EXOC4: variants seen among roughly 807,000 people sequenced by gnomAD.
EXOC4 encodes SEC8-like 1.
EXOC4 carries 71 observed loss-of-function variants against 107.2 expected under a neutral mutation model. The ratio of observed to expected loss-of-function variants is 0.66; its 90% CI spans 0.55 to 0.81. EXOC4 has a LOEUF of 0.81. Among genes scored for constraint, EXOC4 ranks in the 30% least tolerant of loss-of-function variants. The probability of loss-of-function intolerance (pLI) is 0.00; values close to 1 mark genes in which losing one functional copy is unlikely to be tolerated. For missense variants in EXOC4, 1,108 were observed against 1,189.6 expected (o/e 0.93, Z 1.01); for synonymous variants, 456 against 441.2 (o/e 1.03, Z -0.42).
At chr7:133,923,644 C>A (rs1799988212) in intron 13 of EXOC4, among the ~76,000 whole-genome samples, 1 of 152,180 alleles carries the variant, frequency 6.6e-6, no homozygotes, top group South Asian at 2.1e-4. Context: ...CTTTGCATAT[C>A]TGGATGTAAC....
At chr7:133,537,738 T>G (rs1179159721) in intron 9 of EXOC4, among the ~76,000 whole-genome samples, 2 of 152,182 alleles carry the variant, frequency 1.3e-5, no homozygotes, top group Non-Finnish European at 2.9e-5. Context: ...ACTGTTGTTT[T>G]AAACCAAAAT....
At chr7:133,706,319 A>AT (rs1794767949) in intron 10 of EXOC4, among the ~76,000 whole-genome samples, 1 of 152,230 alleles carries the variant, frequency 6.6e-6, no homozygotes, top group African/African-American at 2.4e-5. Context: ...CTTTATAAGA[A>AT]TTTACAAAAT....
rs182505368 is a variant in EXOC4, at chr7:133,515,380, T to C, written c.1417+35242T>C. On this transcript the variant is annotated intron_variant, in intron 9 of 17. Transcript: ENST00000253861. The stretch of plus-strand genomic sequence containing the variant: ...GTATACATATATGTGTAATTATGTA[T>C]AAATATATGCACATATATACATATA... Among the ~76,000 whole-genome samples, 8 of 152,192 alleles carry C rather than the reference T, an allele frequency of 5.3e-5. No individual in the cohort carries two copies. In the East Asian group the frequency reaches 1.5e-3, roughly 29 times the overall value.
At chr7:133,288,415 A>G (rs1395556168) in intron 2 of EXOC4, among the ~76,000 whole-genome samples, 1 of 152,118 alleles carries the variant, frequency 6.6e-6, no homozygotes, top group African/African-American at 2.4e-5. Flanking sequence ...GGATGTGCCT[A>G]CTTTCTTTTG....
At chr7:133,374,776 T>C in intron 6 of EXOC4, 52 bp from the exon 7 acceptor site, 1 of 1,476,330 alleles carries the variant, frequency 6.8e-7, no homozygotes, top group South Asian at 1.2e-5. Flanking sequence ...CTGTAAGCCA[T>C]TTATCTGCGT....
intron 7 of EXOC4, among the ~76,000 whole-genome samples, chr7:133,455,160 T>G (rs1055335780): frequency 3.3e-5 from 5 of 152,048 alleles, no homozygotes; most frequent in Non-Finnish European, 7.4e-5. Context: ...TAACTAATAA[T>G]AGAACAATGA....
intron 7 of EXOC4, among the ~76,000 whole-genome samples, chr7:133,459,475 G>A (rs1798538945): frequency 6.6e-6 from 1 of 152,198 alleles, no homozygotes; most frequent in Non-Finnish European, 1.5e-5. Flanking sequence ...AAATGATCCA[G>A]GTATACAATT....
chr7:134,090,659 A>G, the EXOC4 span, among the ~76,000 whole-genome samples: 1 of 152,096 alleles, frequency 6.6e-6, no homozygotes, highest in Non-Finnish European at 1.5e-5. Context: ...TCTAACATTC[A>G]GGCAGCCACT....
At chr7:133,365,204 G>T (rs926902038) in intron 6 of EXOC4, among the ~76,000 whole-genome samples, 2 of 152,068 alleles carry the variant, frequency 1.3e-5, no homozygotes, top group African/African-American at 4.8e-5. Context: ...ATAGTACTAA[G>T]AACAACAAAG....
chr7:133,376,381 G>A (rs1236220782), intron 7 of EXOC4, among the ~76,000 whole-genome samples: 1 of 152,116 alleles, frequency 6.6e-6, no homozygotes, highest in Non-Finnish European at 1.5e-5. Context: ...TAAATAATGT[G>A]TGCCTTTCGT....
intron 10 of EXOC4, among the ~76,000 whole-genome samples, chr7:133,751,590 C>T (rs541878331): frequency 1.3e-5 from 2 of 152,204 alleles, no homozygotes; most frequent in East Asian, 3.9e-4. Context: ...TGTAAGTGAG[C>T]AAATCTCCAT....
intron 9 of EXOC4, among the ~76,000 whole-genome samples, chr7:133,606,521 T>TA (rs1563124681): frequency 4.9e-5 from 7 of 142,148 alleles, no homozygotes; most frequent in Admixed American, 6.8e-5. Context: ...ATTATTATTT[T>TA]TTTTTTTTTT....
At chr7:133,312,675 G>T (rs80122589) in intron 4 of EXOC4, among the ~76,000 whole-genome samples, 2 of 151,876 alleles carry the variant, frequency 1.3e-5, no homozygotes, top group South Asian at 4.2e-4. Flanking sequence ...GTTGTGTGAC[G>T]TGGGGGGTGG....
chr7:133,793,670 C>A (rs969918303), intron 10 of EXOC4, among the ~76,000 whole-genome samples: 14 of 152,150 alleles, frequency 9.2e-5, no homozygotes, highest in Middle Eastern at 3.4e-3. Flanking sequence ...CATGGTGAAA[C>A]CCCATCTCTA....
At chr7:133,768,014 A>T (rs1396748631) in intron 10 of EXOC4, 4 of 151,994 alleles carry the variant, frequency 2.6e-5, no homozygotes, top group Non-Finnish European at 5.9e-5. Flanking sequence ...CTTATCCATG[A>T]ACTCATCTGA....
intron 1 of EXOC4, among the ~76,000 whole-genome samples, chr7:133,272,061 A>G (rs140074476): frequency 2.4e-4 from 37 of 152,328 alleles, no homozygotes; most frequent in African/African-American, 8.7e-4. Context: ...TACTGGAACA[A>G]TAATAGCTAA....
intron 10 of EXOC4, among the ~76,000 whole-genome samples, chr7:133,713,363 C>A (rs745640015): frequency 1.3e-5 from 2 of 152,040 alleles, no homozygotes; most frequent in Non-Finnish European, 2.9e-5. Flanking sequence ...CTTTGACTTA[C>A]CAATTATTTT....
chr7:133,836,719 C>T (rs1797926488), intron 11 of EXOC4, among the ~76,000 whole-genome samples: 1 of 152,072 alleles, frequency 6.6e-6, no homozygotes, highest in South Asian at 2.1e-4. Flanking sequence ...TGAAAAGTCA[C>T]AATGATTTAA....
chr7:133,707,593 A>G (rs997027652), intron 10 of EXOC4, among the ~76,000 whole-genome samples: 1 of 151,890 alleles, frequency 6.6e-6, no homozygotes, highest in African/African-American at 2.4e-5. Context: ...TTTCTGAACA[A>G]TATTTGCCCT....
Sources: allele counts gnomAD v4.1 joint callset (sites outside exome capture counted in the v4.1 genomes callset), GRCh38; gene constraint gnomAD v4.1.1; transcripts MANE v1.5; gene names NCBI Gene and HGNC (gene_info 2026-07-23, HGNC 2026-07-21).